FBXL7: variants seen among roughly 807,000 people sequenced by gnomAD.
The protein encoded by FBXL7 is F-box/LRR-repeat protein 7.
In FBXL7, 12 loss-of-function variants were observed where a neutral mutation model predicts 38.3. That is an observed-to-expected ratio of 0.31 (90% CI 0.20 to 0.51). The LOEUF (loss-of-function observed/expected upper bound fraction) is 0.51. Among genes scored for constraint, FBXL7 ranks in the 20% least tolerant of loss-of-function variants. FBXL7 has a pLI of 0.98. For synonymous variants in FBXL7, 297 were observed against 300.9 expected (o/e 0.99, Z 0.13); for missense variants, 567 against 676.4 (o/e 0.84, Z 1.79).
intron 2 of FBXL7, among the ~76,000 whole-genome samples, chr5:15,674,164 T>C (rs559279060): frequency 2.2e-4 from 34 of 152,176 alleles, no homozygotes; most frequent in Non-Finnish European, 4.9e-4. Flanking sequence ...GAGACTAGAT[T>C]AAGAACTAGT....
intron 2 of FBXL7, among the ~76,000 whole-genome samples, chr5:15,762,643 GCTCT>G (rs926403992): frequency 6.6e-6 from 1 of 152,150 alleles, no homozygotes; most frequent in Non-Finnish European, 1.5e-5. Flanking sequence ...TAAAAGCAAT[GCTCT>G]CTCTTAGAGT....
intron 2 of FBXL7, among the ~76,000 whole-genome samples, chr5:15,892,262 G>A (rs994971995): frequency 6.6e-6 from 1 of 152,234 alleles, no homozygotes; most frequent in African/African-American, 2.4e-5. Context: ...GTCCCTGTGA[G>A]CAAGAGGAAG....
chr5:15,801,503 A>C (rs1737562348), intron 2 of FBXL7, among the ~76,000 whole-genome samples: 1 of 152,218 alleles, frequency 6.6e-6, no homozygotes. Context: ...GAAAAGTGTT[A>C]AAATTTTTCT....
intron 2 of FBXL7, among the ~76,000 whole-genome samples, chr5:15,629,904 TGTA>T (rs1211790433): frequency 3.3e-5 from 5 of 152,138 alleles, no homozygotes; most frequent in South Asian, 4.1e-4. Flanking sequence ...AAATGAGAGA[TGTA>T]GTTACTTTTT....
chr5:15,716,250 A>G (rs1049022759), intron 2 of FBXL7, among the ~76,000 whole-genome samples: 2 of 152,200 alleles, frequency 1.3e-5, no homozygotes, highest in Admixed American at 1.3e-4. Flanking sequence ...CTGTACAGAC[A>G]ATGTGATTTT....
rs574140712 is a variant in FBXL7, at chr5:15,939,062, C to T, written c.*1876C>T. On this transcript the variant is annotated 3_prime_UTR_variant, in exon 4 of 4. Coordinates refer to ENST00000504595, the MANE Select transcript of FBXL7 (RefSeq NM_012304.5). ...TACTGTAGGCTCCTGTGCATACTGTCGTCTTCTGTGGGGGATGGAGAGGTT... is the reference window on the plus strand; with the variant it reads ...TACTGTAGGCTCCTGTGCATACTGTTGTCTTCTGTGGGGGATGGAGAGGTT... 208 of 399,032 alleles carry T rather than the reference C, an allele frequency of 5.2e-4. No homozygotes were observed. Among genetic ancestry groups the T allele is most frequent in the Non-Finnish European group, 8.0e-4 (181 of 226,066 alleles). 24.7% of individuals were successfully genotyped at this position (399,032 alleles called of 1,614,324 possible). A position where few individuals can be genotyped will look rare whatever the true frequency, so the allele number is the denominator to read the frequency against.
At chr5:15,829,095 T>C (rs1206575926) in intron 2 of FBXL7, among the ~76,000 whole-genome samples, 2 of 152,232 alleles carry the variant, frequency 1.3e-5, no homozygotes, top group Non-Finnish European at 2.9e-5. Context: ...ATTAGGTTTT[T>C]AATATAGCTT....
chr5:15,698,874 A>G lies in FBXL7; in HGVS notation c.127+82802A>G, dbSNP rs545480347. Among the ~76,000 whole-genome samples the G allele has an allele frequency of 1.8e-4, 28 of 152,382 alleles. 1 individual carries two copies. The South Asian group carries it at 5.0e-3, about 27-fold the overall frequency. On this transcript the variant is annotated intron_variant, in intron 2 of 3. Transcript: ENST00000504595. ...TTTAGACAAGGTTTGCAAACTAATT[A>G]TAAGTGCTGGTGTGGCCTAGACATC... is the stretch of plus-strand genomic sequence containing the variant.
rs558941455 is a variant in FBXL7 at position 15,887,898 on chromosome 5, C to T, written c.128-39992C>T. Among the ~76,000 whole-genome samples the T allele has an allele frequency of 1.6e-4, 25 of 152,132 alleles. 1 individual carries two copies. The highest frequency in any genetic ancestry group is 4.1e-4 in the South Asian group (2 of 4,820). ...AATAAATTTCTTGGATTCTTTGCTCCGCCAGTAGCTTCCATGTTCTCTCTC... is the reference window on the plus strand; with the variant it reads ...AATAAATTTCTTGGATTCTTTGCTCTGCCAGTAGCTTCCATGTTCTCTCTC... On this transcript the variant is annotated intron_variant, in intron 2 of 3. Coordinates refer to ENST00000504595, the MANE Select transcript of FBXL7 (RefSeq NM_012304.5).
chr5:15,789,443 A>C (rs1478794895), intron 2 of FBXL7, among the ~76,000 whole-genome samples: 1 of 152,062 alleles, frequency 6.6e-6, no homozygotes, highest in African/African-American at 2.4e-5. Context: ...CTGCCCTTTG[A>C]GGCAACCCCA....
At chr5:15,784,917 C>G (rs766328638) in intron 2 of FBXL7, among the ~76,000 whole-genome samples, 11 of 152,204 alleles carry the variant, frequency 7.2e-5, no homozygotes, top group Non-Finnish European at 1.6e-4. Context: ...ATTTCACTAG[C>G]ACAAGATTCT....
intron 2 of FBXL7, among the ~76,000 whole-genome samples, chr5:15,645,354 C>T (rs1196276577): frequency 2.6e-5 from 4 of 152,130 alleles, no homozygotes; most frequent in African/African-American, 9.7e-5. Context: ...CTGGTTGCCT[C>T]CTTTGGAAAG....
At chr5:15,839,814 C>A (rs1226378935) in intron 2 of FBXL7, among the ~76,000 whole-genome samples, 1 of 151,956 alleles carries the variant, frequency 6.6e-6, no homozygotes, top group African/African-American at 2.4e-5. Context: ...TCTTTTTCTC[C>A]CAATGCTCAA....
At chr5:15,856,566 A>C (rs554568360) in intron 2 of FBXL7, among the ~76,000 whole-genome samples, 12 of 152,164 alleles carry the variant, frequency 7.9e-5, no homozygotes, top group African/African-American at 2.9e-4. Flanking sequence ...TAAAAAAAAA[A>C]CTAGAGAATA....
chr5:15,778,678 T>G (rs991384717), intron 2 of FBXL7, among the ~76,000 whole-genome samples: 1 of 152,084 alleles, frequency 6.6e-6, no homozygotes, highest in Non-Finnish European at 1.5e-5. Flanking sequence ...TCCTCAAAAA[T>G]CAGTCCAAGA....
chr5:15,853,929 G>A (rs924329522), intron 2 of FBXL7, among the ~76,000 whole-genome samples: 2 of 152,116 alleles, frequency 1.3e-5, no homozygotes, highest in Non-Finnish European at 2.9e-5. Flanking sequence ...ATGACATATG[G>A]ATATTTGATC....
At chr5:15,781,154 T>C (rs1202209038) in intron 2 of FBXL7, among the ~76,000 whole-genome samples, 1 of 152,180 alleles carries the variant, frequency 6.6e-6, no homozygotes, top group African/African-American at 2.4e-5. Context: ...ATTTGTCCAA[T>C]AGAAATTGGA....
intron 2 of FBXL7, among the ~76,000 whole-genome samples, chr5:15,890,971 T>G (rs1740880084): frequency 6.6e-6 from 1 of 152,098 alleles, no homozygotes; most frequent in African/African-American, 2.4e-5. Flanking sequence ...AAAAAAAACT[T>G]GAAAATCTAT....
chr5:15,715,013 C>T lies in FBXL7; in HGVS notation c.127+98941C>T, dbSNP rs146271293. ...AGCTGGAAAATGCAGCACACAGATT[C>T]TCCCCTGAGCCTCTAGAAGGAACGC... is the stretch of plus-strand genomic sequence containing the variant. On this transcript the variant is annotated intron_variant, in intron 2 of 3. Coordinates refer to ENST00000504595, the MANE Select transcript of FBXL7 (RefSeq NM_012304.5). Among the ~76,000 whole-genome samples the T allele has an allele frequency of 5.9e-5, 9 of 152,250 alleles. No individual in the cohort carries two copies. In the East Asian group the frequency reaches 1.7e-3, roughly 29 times the overall value.
Sources: allele counts gnomAD v4.1 joint callset (sites outside exome capture counted in the v4.1 genomes callset), GRCh38; gene constraint gnomAD v4.1.1; transcripts MANE v1.5; gene names NCBI Gene and HGNC (gene_info 2026-07-23, HGNC 2026-07-21).